Variants in RGPD2 observed in about 807,000 individuals in gnomAD.
RGPD2 encodes RANBP2 like and GRIP domain containing 2.
Under a neutral mutation model 36.0 loss-of-function variants are expected in RGPD2, and 2 were observed. That is an observed-to-expected ratio of 0.06 (90% CI 0.02 to 0.17). The LOEUF is 0.17. Among genes scored for constraint, RGPD2 ranks in the 10% least tolerant of loss-of-function variants. The pLI, the probability that RGPD2 is intolerant of heterozygous loss-of-function variation, is 1.00. For missense variants in RGPD2, 40 were observed against 464.3 expected, an observed-to-expected ratio of 0.09 and a Z score of 8.40; for synonymous variants, 19 against 163.8, an observed-to-expected ratio of 0.12 and a Z score of 6.75.
chr2:87,971,695 A>G, the RGPD2 span, among the ~76,000 whole-genome samples: 10 of 151,582 alleles, frequency 6.6e-5, no homozygotes, highest in African/African-American at 2.2e-4. Context: ...GAACTTGATT[A>G]TTTATTTATT....
chr2:87,863,093 G>A, the RGPD2 span, among the ~76,000 whole-genome samples: 1 of 152,260 alleles, frequency 6.6e-6, no homozygotes, highest in Admixed American at 6.5e-5. Context: ...TACCTCTACT[G>A]ACCTACAGGC....
At chr2:87,886,576 A>C in the RGPD2 span, among the ~76,000 whole-genome samples, 1 of 150,278 alleles carries the variant, frequency 6.7e-6, no homozygotes, top group Non-Finnish European at 1.5e-5. Flanking sequence ...CATATTATAC[A>C]TAATTGTTTT....
the RGPD2 span, among the ~76,000 whole-genome samples, chr2:87,879,020 G>C: frequency 6.6e-6 from 1 of 152,152 alleles, no homozygotes; most frequent in Non-Finnish European, 1.5e-5. Flanking sequence ...TGGTTATTGA[G>C]AATAGTGCTA....
the RGPD2 span, among the ~76,000 whole-genome samples, chr2:87,943,740 C>A: frequency 6.6e-6 from 1 of 151,680 alleles, no homozygotes; most frequent in African/African-American, 2.4e-5. Flanking sequence ...AGCTTTCCCT[C>A]TATGTTTTCT....
the RGPD2 span, among the ~76,000 whole-genome samples, chr2:87,961,717 G>A: frequency 3.2e-4 from 39 of 122,198 alleles, 1 homozygote; most frequent in African/African-American, 9.6e-4. Flanking sequence ...AAAAAAAAGC[G>A]CATTCTCAAA....
At chr2:87,915,184 G>C in the RGPD2 span, among the ~76,000 whole-genome samples, 4 of 150,694 alleles carry the variant, frequency 2.7e-5, no homozygotes, top group Non-Finnish European at 5.9e-5. Context: ...AAGGAAACTT[G>C]TTTATATAAT....
the RGPD2 span, among the ~76,000 whole-genome samples, chr2:87,967,744 G>A: frequency 6.7e-6 from 1 of 150,160 alleles, no homozygotes; most frequent in Non-Finnish European, 1.5e-5. Flanking sequence ...ATCTAAGCTA[G>A]AATTGATTTA....
chr2:87,857,602 A>C, the RGPD2 span, among the ~76,000 whole-genome samples: 533 of 150,390 alleles, frequency 3.5e-3, no homozygotes, highest in Non-Finnish European at 6.4e-3. Context: ...TCGGCCTCCC[A>C]AAGTGAGCCA....
the RGPD2 span, among the ~76,000 whole-genome samples, chr2:87,939,573 T>G: frequency 1.1e-4 from 16 of 152,066 alleles, no homozygotes; most frequent in South Asian, 3.3e-3. Context: ...AAGTGTTAGC[T>G]TTCATTGTGA....
the RGPD2 span, among the ~76,000 whole-genome samples, chr2:87,929,476 T>TG: frequency 1.6e-5 from 1 of 62,070 alleles, no homozygotes; most frequent in Non-Finnish European, 3.2e-5. Context: ...TTGTTTTTTT[T>TG]GTGTGTGTGT....
At chr2:87,882,718 T>A in the RGPD2 span, among the ~76,000 whole-genome samples, 2 of 152,208 alleles carry the variant, frequency 1.3e-5, no homozygotes, top group African/African-American at 4.8e-5. Flanking sequence ...TTCTACTAAT[T>A]CATGAACATG....
chr2:87,869,759 A>G, the RGPD2 span, among the ~76,000 whole-genome samples: 1 of 152,212 alleles, frequency 6.6e-6, no homozygotes, highest in Non-Finnish European at 1.5e-5. Flanking sequence ...ACACCTCTCT[A>G]CAAAGTATTT....
chr2:87,943,856 T>C, the RGPD2 span, among the ~76,000 whole-genome samples: 2 of 152,054 alleles, frequency 1.3e-5, no homozygotes, highest in African/African-American at 4.8e-5. Flanking sequence ...CCCATCATCG[T>C]TGGTTGAGTA....
chr2:87,968,602 C>T, the RGPD2 span: 3 of 149,528 alleles, frequency 2.0e-5, no homozygotes, highest in East Asian at 6.1e-4. Flanking sequence ...TGCACTGGGT[C>T]GCCAAGATGT....
At chr2:87,847,499 ATTTTTTT>A in the RGPD2 span, among the ~76,000 whole-genome samples, 1 of 130,530 alleles carries the variant, frequency 7.7e-6, no homozygotes, top group Non-Finnish European at 1.7e-5. Context: ...TTGTTTTTTA[ATTTTTTT>A]TTTTTTTTTT....
chr2:87,932,675 G>T, the RGPD2 span, among the ~76,000 whole-genome samples: 1 of 151,476 alleles, frequency 6.6e-6, no homozygotes, highest in African/African-American at 2.4e-5. Context: ...GCATTTGCTT[G>T]CCTGAAAAGG....
the RGPD2 span, among the ~76,000 whole-genome samples, chr2:87,865,439 C>A: frequency 1.3e-5 from 2 of 152,292 alleles, no homozygotes; most frequent in Non-Finnish European, 2.9e-5. Context: ...TGACACTGAT[C>A]CCAGGGTACA....
In RGPD2 at chr2:87,825,674, G is replaced by C. The variant is rs1270726161; in HGVS notation, c.56C>G (p.Ala19Gly). 1 of 1,592,456 alleles carries C rather than the reference G, an allele frequency of 6.3e-7. No homozygotes were observed. Among genetic ancestry groups the C allele is most frequent in the Middle Eastern group, 2.3e-4 (1 of 4,422 alleles). ...TCCACTCACCTTTCCAGGCGACGGG[G>C]CGGAGCCCTGCACCGAGGCGAGGTA... ...ERYLASVQGSAPSPGKKLRGF... is the reference protein window; with the variant it reads ...ERYLASVQGSGPSPGKKLRGF... The change falls in exon 1 of 23, where the codon GCC (alanine) becomes GGC (glycine). Residue 19 changes from alanine to glycine, a missense_variant. By Grantham distance (60) the Ala-to-Gly change is moderately conservative (BLOSUM62 0). Transcript: ENST00000398146.
the RGPD2 span, among the ~76,000 whole-genome samples, chr2:87,913,900 T>A: frequency 1.6e-4 from 24 of 152,158 alleles, no homozygotes; most frequent in Non-Finnish European, 3.1e-4. Flanking sequence ...CAGCATTCAG[T>A]TGATGGTAAT....
Sources: gnomAD v4.1 joint callset for allele counts (sites outside exome capture counted in the v4.1 genomes callset) on GRCh38, gnomAD v4.1.1 for gene constraint, MANE v1.5 for transcripts, NCBI Gene and HGNC (gene_info 2026-07-23, HGNC 2026-07-21) for gene names.